The following ZNF486 variants were observed in gnomAD, a reference collection of about 807,000 sequenced individuals.
ZNF486 encodes the protein KRAB box only protein 2.
A neutral mutation model predicts 12.8 loss-of-function variants in ZNF486; 12 were observed. That is an observed-to-expected ratio of 0.94 (90% CI 0.60 to 1.52). The LOEUF (loss-of-function observed/expected upper bound fraction) is 1.52, where lower values mean the gene tolerates loss of function less well. ZNF486 is among the 40% of genes most tolerant of loss of function. The pLI is 0.00. For synonymous variants in ZNF486, 231 were observed against 184.9 expected, an observed-to-expected ratio of 1.25 and a Z score of -2.02; for missense variants, 738 against 545.0, an observed-to-expected ratio of 1.35 and a Z score of -3.53.
chr19:20,181,406 G>A (rs782742597), intron 1 of ZNF486, among the ~76,000 whole-genome samples: 11 of 152,104 alleles, frequency 7.2e-5, no homozygotes, highest in African/African-American at 2.4e-4. Context: ...GGGTGTGGTG[G>A]TGGGCGCCTG....
chr19:20,172,458 C>G (rs2089659135), intron 1 of ZNF486, among the ~76,000 whole-genome samples: 1 of 151,884 alleles, frequency 6.6e-6, no homozygotes, highest in African/African-American at 2.4e-5. Context: ...GCACCACTCC[C>G]AGCTAATTTT....
At chr19:20,178,731 T>A (rs926898156) in intron 1 of ZNF486, among the ~76,000 whole-genome samples, 1 of 152,206 alleles carries the variant, frequency 6.6e-6, no homozygotes, top group Non-Finnish European at 1.5e-5. Context: ...CTCTATTTGT[T>A]ATCTATAGTC....
chr19:20,188,776 T>C (rs1429928212), intron 3 of ZNF486: 1 of 254,636 alleles, frequency 3.9e-6, no homozygotes, highest in Non-Finnish European at 7.3e-6. Context: ...ACTGCTCATT[T>C]TACCCTCTCT....
chr19:20,189,901 A>G (rs538074956), intron 3 of ZNF486, among the ~76,000 whole-genome samples: 2 of 150,186 alleles, frequency 1.3e-5, no homozygotes, highest in South Asian at 4.2e-4. Context: ...AGACCAATGT[A>G]ATGTCCTTTT....
chr19:20,175,897 A>G (rs1428149248), intron 1 of ZNF486, among the ~76,000 whole-genome samples: 8 of 151,926 alleles, frequency 5.3e-5, no homozygotes, highest in Admixed American at 3.9e-4. Context: ...CTCACTTCCC[A>G]GTAGGGGCGG....
intron 3 of ZNF486, among the ~76,000 whole-genome samples, chr19:20,194,765 G>A (rs781999037): frequency 6.6e-6 from 1 of 151,922 alleles, no homozygotes. Context: ...ATGAGACTAT[G>A]CTTATAAATG....
intron 1 of ZNF486, among the ~76,000 whole-genome samples, chr19:20,174,655 C>T (rs968202616): frequency 1.3e-5 from 2 of 152,050 alleles, no homozygotes; most frequent in Non-Finnish European, 2.9e-5. Context: ...TCCCATAGTG[C>T]TAAGATTACA....
intron 1 of ZNF486, among the ~76,000 whole-genome samples, chr19:20,168,296 T>C (rs1456500349): frequency 6.6e-6 from 1 of 151,462 alleles, no homozygotes; most frequent in Admixed American, 6.6e-5. Flanking sequence ...GAGGCGGAGG[T>C]TGCAGTGAGC....
At chr19:20,167,574 G>A (rs1215205341) in intron 1 of ZNF486, among the ~76,000 whole-genome samples, 14 of 152,178 alleles carry the variant, frequency 9.2e-5, no homozygotes, top group Admixed American at 9.2e-4. Context: ...CAGTGACCGT[G>A]CCCTGGCCTG....
rs1007601131 is a variant in ZNF486 at position 20,198,171 on chromosome 19, C to G, written c.*69C>G. 10 of 1,414,890 alleles carry G rather than the reference C, an allele frequency of 7.1e-6. No homozygotes were observed. In the South Asian group the frequency reaches 1.5e-4, roughly 21 times the overall value. The allele number at this position is 1,414,890 out of a possible 1,614,324, so 87.6% of individuals were successfully genotyped here. On this transcript the variant is annotated 3_prime_UTR_variant, in exon 4 of 4. Coordinates refer to ENST00000335117, the MANE Select transcript of ZNF486 (RefSeq NM_052852.4). ...TGCTGTTGTTTCCCAGGCTGGAGTG[C>G]AATGGCATAATTTTGGCTCACCACA... is the stretch of plus-strand genomic sequence containing the variant.
At chr19:20,180,976 A>C (rs1555715446) in intron 1 of ZNF486, among the ~76,000 whole-genome samples, 1 of 152,216 alleles carries the variant, frequency 6.6e-6, no homozygotes, top group African/African-American at 2.4e-5. Context: ...AAATTATAGG[A>C]ACTCTGGGAT....
At chr19:20,188,282 AG>A (rs2089869776) in intron 3 of ZNF486, 2 of 393,242 alleles carry the variant, frequency 5.1e-6, no homozygotes, top group Non-Finnish European at 8.9e-6. Flanking sequence ...TTTGATTTGA[AG>A]GTAATTTTCA....
chr19:20,197,106 T>TAA lies in ZNF486; in HGVS notation c.397_398dup (p.Leu134SerfsTer14). ...AAGGCTGTGAAAGTGTGGATGAGTG[T>TAA]AAGTTACACAAAAGAGGTTATAATG... On this transcript the variant is annotated frameshift_variant, in exon 4 of 4. Coordinates refer to ENST00000335117, the MANE Select transcript of ZNF486 (RefSeq NM_052852.4). LOFTEE classifies it low-confidence loss of function (END_TRUNC). 6.2e-7 allele frequency: 1 copy of TAA among 1,613,666 alleles called. No individual in the cohort carries two copies. The highest frequency in any genetic ancestry group is 2.2e-5 in the East Asian group (1 of 44,852).
intron 3 of ZNF486, among the ~76,000 whole-genome samples, chr19:20,187,963 C>A (rs562383769): frequency 6.6e-6 from 1 of 152,148 alleles, no homozygotes; most frequent in East Asian, 1.9e-4. Flanking sequence ...GTTACAGGGG[C>A]TTGGGTAGTT....
In ZNF486 at chr19:20,197,544, CT is replaced by C. The variant is rs1555718241; in HGVS notation, c.835del (p.Tyr279IlefsTer8). On this transcript the variant is annotated frameshift_variant, in exon 4 of 4. Transcript: ENST00000335117. LOFTEE classifies it low-confidence loss of function (END_TRUNC). ...EECGKAFMYP[Y>X]TLTTHKIIHT... is the part of the protein sequence containing the mutation. ...AATGTGGCAAAGCCTTTATGTACCC[CT>C]ATACCCTTACTACACATAAGATAAT... The C allele has an allele frequency of 6.2e-7, 1 of 1,612,712 alleles. No individual in the cohort carries two copies. Among genetic ancestry groups the C allele is most frequent in the African/African-American group, 1.3e-5 (1 of 74,738 alleles).
Position 20,179,770 on chromosome 19 carries a change from C to T in ZNF486, c.31-4586C>T, listed in dbSNP as rs544803920. Among the ~76,000 whole-genome samples, 9 of 152,302 alleles carry T rather than the reference C, an allele frequency of 5.9e-5. No homozygotes were observed. The South Asian group carries it at 1.7e-3, about 28-fold the overall frequency. Reference sequence around the variant, plus strand: ...GAGTGTGGCATTTTGAGATTTTTCACATCTTGTTCATTGGCCTGCTACAGT... The same window carrying T: ...GAGTGTGGCATTTTGAGATTTTTCATATCTTGTTCATTGGCCTGCTACAGT... On this transcript the variant is annotated intron_variant, in intron 1 of 3. Transcript: ENST00000335117.
chr19:20,197,894 A>C lies in ZNF486; in HGVS notation c.1184A>C (p.Lys395Thr). The C allele has an allele frequency of 6.2e-7, 1 of 1,612,424 alleles. No homozygotes were observed. The highest frequency in any genetic ancestry group is 1.1e-5 in the South Asian group (1 of 90,976). ...TTTACATGGTCTGCAGGCCTCCATA[A>C]ACATAGGAGAACTCATACTGGAGAG... The part of the protein sequence containing the change: ...KAFTWSAGLH[K>T]HRRTHTGEKP... The change falls in exon 4 of 4, where the codon AAA becomes ACA. Residue 395 changes from lysine (K) to threonine (T), a missense_variant. Coordinates refer to ENST00000335117, the MANE Select transcript of ZNF486 (RefSeq NM_052852.4).
chr19:20,173,185 C>G (rs1487336281), intron 1 of ZNF486, among the ~76,000 whole-genome samples: 13 of 152,090 alleles, frequency 8.5e-5, no homozygotes, highest in African/African-American at 3.1e-4. Context: ...TGCAGGGTTT[C>G]TCATAATTTT....
In ZNF486 at chr19:20,197,487, T is replaced by C; in HGVS notation, c.777T>C (p.Ile259=). 3 of 1,609,030 alleles carry C rather than the reference T, an allele frequency of 1.9e-6. No homozygotes were observed. Among genetic ancestry groups the C allele is most frequent in the Non-Finnish European group, 1.7e-6 (2 of 1,177,186 alleles). The change falls in exon 4 of 4, where the codon ATT becomes ATC. Residue 259 remains isoleucine, a synonymous_variant. Transcript: ENST00000335117. ...YFSSFTTHKK[I]HSGEKPYICE... is the part of the protein sequence containing the mutation. ...CTAGCTTTACTACACATAAGAAAAT[T>C]CATAGTGGAGAGAAACCCTACATTT...
Sources: allele counts gnomAD v4.1 joint callset (sites outside exome capture counted in the v4.1 genomes callset), GRCh38; gene constraint gnomAD v4.1.1; transcripts MANE v1.5; gene names NCBI Gene and HGNC (gene_info 2026-07-23, HGNC 2026-07-21).